The following SLC9C2 variants were observed in gnomAD, a reference collection of about 807,000 sequenced individuals.
SLC9C2 encodes the protein solute carrier family 9 member C2 (putative).
Under a neutral mutation model 140.2 loss-of-function variants are expected in SLC9C2, and 75 were observed. The observed-to-expected ratio is 0.53, with a 90% CI of 0.44 to 0.65. SLC9C2 has a LOEUF of 0.65. Ranked by LOEUF, SLC9C2 falls within the 30% of genes least tolerant of loss-of-function variation. The pLI, the probability that SLC9C2 is intolerant of heterozygous loss-of-function variation, is 0.00. For synonymous variants in SLC9C2, 375 were observed against 420.9 expected (o/e 0.89, Z 1.34); for missense variants, 1,074 against 1,331.8 (o/e 0.81, Z 3.01).
intron 13 of SLC9C2, among the ~76,000 whole-genome samples, chr1:173,544,765 C>T (rs182888184): frequency 2.0e-5 from 3 of 152,198 alleles, no homozygotes; most frequent in African/African-American, 4.8e-5. Flanking sequence ...GGACAAAAAA[C>T]CAAACACCAC....
At chr1:173,593,056 C>T (rs367627979) in intron 4 of SLC9C2, among the ~76,000 whole-genome samples, 5 of 152,192 alleles carry the variant, frequency 3.3e-5, no homozygotes, top group East Asian at 3.8e-4. Context: ...ACCAGACCCA[C>T]CTTACAAGAG....
At chr1:173,562,127 G>A (rs750439498) in intron 9 of SLC9C2, among the ~76,000 whole-genome samples, 1 of 152,136 alleles carries the variant, frequency 6.6e-6, no homozygotes, top group African/African-American at 2.4e-5. Context: ...TAAGGTCATC[G>A]TTCAAGTCAG....
intron 9 of SLC9C2, among the ~76,000 whole-genome samples, chr1:173,559,759 A>G (rs1421680893): frequency 1.3e-5 from 2 of 152,236 alleles, no homozygotes; most frequent in Non-Finnish European, 2.9e-5. Context: ...GTCTACTTAC[A>G]TAGGTCAACC....
At chr1:173,523,311 G>C (rs985705089) in intron 21 of SLC9C2, among the ~76,000 whole-genome samples, 1 of 152,124 alleles carries the variant, frequency 6.6e-6, no homozygotes, top group African/African-American at 2.4e-5. Context: ...GGCGGAGGTT[G>C]CAGTGAGCCG....
intron 9 of SLC9C2, among the ~76,000 whole-genome samples, chr1:173,558,170 CA>C (rs559754844): frequency 2.7e-5 from 4 of 150,714 alleles, no homozygotes; most frequent in African/African-American, 9.7e-5. Context: ...TTCTTAGCCT[CA>C]AAAAAAAATA....
chr1:173,569,893 A>G (rs10912650), intron 9 of SLC9C2, among the ~76,000 whole-genome samples: 83,715 of 151,950 alleles, frequency 0.55, 25,212 homozygotes, highest in East Asian at 0.95. Context: ...AGTTCTTCCC[A>G]CTCTTTCCTC....
chr1:173,575,811 C>G (rs1429565747), intron 8 of SLC9C2, among the ~76,000 whole-genome samples: 1 of 152,144 alleles, frequency 6.6e-6, no homozygotes. Context: ...ATCTCCTGAC[C>G]TCGTGATCCG....
chr1:173,590,404 A>G (rs1666091651), intron 4 of SLC9C2, among the ~76,000 whole-genome samples: 2 of 152,178 alleles, frequency 1.3e-5, no homozygotes, highest in Non-Finnish European at 2.9e-5. Context: ...GAAACATCAC[A>G]GTGAAACTAA....
chr1:173,526,278 C>T (rs1661188267), intron 19 of SLC9C2, among the ~76,000 whole-genome samples: 1 of 152,180 alleles, frequency 6.6e-6, no homozygotes, highest in African/African-American at 2.4e-5. Flanking sequence ...AAAAACAAAA[C>T]AATGAAACAA....
At chr1:173,507,716 G>T (rs1571422357) in intron 24 of SLC9C2, among the ~76,000 whole-genome samples, 4 of 152,176 alleles carry the variant, frequency 2.6e-5, no homozygotes. Flanking sequence ...CTTGCACACA[G>T]GGAGAACGCC....
At chr1:173,591,809 T>C (rs2901747) in intron 4 of SLC9C2, among the ~76,000 whole-genome samples, 35,122 of 152,182 alleles carry the variant, frequency 0.23, 5,384 homozygotes, top group East Asian at 0.68. Context: ...TTTTATCCTA[T>C]TCTATAGGCT....
intron 18 of SLC9C2, among the ~76,000 whole-genome samples, chr1:173,527,259 T>C (rs1251863506): frequency 6.6e-6 from 1 of 152,198 alleles, no homozygotes; most frequent in Non-Finnish European, 1.5e-5. Flanking sequence ...GCTTTGCCCA[T>C]GCTCAGACGT....
At chr1:173,549,283 C>A (rs114064485) in intron 11 of SLC9C2, among the ~76,000 whole-genome samples, 3 of 152,144 alleles carry the variant, frequency 2.0e-5, no homozygotes, top group African/African-American at 7.2e-5. Flanking sequence ...TGGGACACTG[C>A]GTACAATGGA....
chr1:173,598,029 G>A lies in SLC9C2; in HGVS notation c.232C>T (p.His78Tyr), dbSNP rs747408170. Residue 78 changes from histidine (H) to tyrosine (Y), a missense_variant, in exon 4 of 28, where the codon CAC becomes TAC. Transcript: ENST00000367714. ...GHMAYNSVEV[H>Y]QIVYPLLRTS... ...CTTAGAAGAGGGTAGACAATTTGGT[G>A]CACCTAAAGTAACAAAGGCAAACAA... The A allele has an allele frequency of 3.2e-6, 5 of 1,583,844 alleles. No homozygotes were observed. Among genetic ancestry groups the A allele is most frequent in the East Asian group, 2.3e-5 (1 of 44,224 alleles).
chr1:173,533,933 G>T, intron 16 of SLC9C2, 136 bp from the exon 17 acceptor site: 1 of 961,982 alleles, frequency 1.0e-6, no homozygotes, highest in Non-Finnish European at 1.4e-6. Flanking sequence ...TATTCATTTG[G>T]AATCCCCCCA....
chr1:173,514,388 T>G (rs945218149), intron 23 of SLC9C2, among the ~76,000 whole-genome samples: 9 of 152,366 alleles, frequency 5.9e-5, no homozygotes, highest in Admixed American at 1.3e-4. Flanking sequence ...CTTGTTGAAT[T>G]GATCCCTTTA....
chr1:173,576,710 T>A lies in SLC9C2; in HGVS notation c.853A>T (p.Asn285Tyr), dbSNP rs1665204374. The A allele has an allele frequency of 6.2e-7, 1 of 1,610,580 alleles. No homozygotes were observed. The highest frequency in any genetic ancestry group is 1.7e-5 in the Admixed American group (1 of 59,352). Residue 285 changes from asparagine to tyrosine, a missense_variant, in exon 8 of 28, where the codon AAT (asparagine) becomes TAT (tyrosine). Transcript: ENST00000367714. ...GTLALAAVGL[N>Y]LDSLTFKPKI... is the part of the protein sequence containing the mutation. ...GGTTTAAAAGTTAAAGAATCTAAAT[T>A]CAGTCCTACAGCGGCTAAGGCAAGA...
chr1:173,543,045 A>G (rs1018346483), intron 13 of SLC9C2, among the ~76,000 whole-genome samples: 1 of 152,198 alleles, frequency 6.6e-6, no homozygotes, highest in Non-Finnish European at 1.5e-5. Flanking sequence ...AGGGTATTCA[A>G]TTAGGAAAAG....
chr1:173,522,084 C>A (rs911283036), intron 21 of SLC9C2, among the ~76,000 whole-genome samples: 32 of 151,988 alleles, frequency 2.1e-4, no homozygotes, highest in African/African-American at 7.2e-4. Context: ...AAAAATTAGC[C>A]GGGCGTAGTG....
Sources: allele counts gnomAD v4.1 joint callset (sites outside exome capture counted in the v4.1 genomes callset), GRCh38; gene constraint gnomAD v4.1.1; transcripts MANE v1.5; gene names NCBI Gene and HGNC (gene_info 2026-07-23, HGNC 2026-07-21).